The following NAALAD2 variants were observed in gnomAD, a reference collection of about 807,000 sequenced individuals.
NAALAD2 encodes the protein N-acetylated-alpha-linked acidic dipeptidase 2.
NAALAD2 carries 89 observed loss-of-function variants against 95.6 expected under a neutral mutation model. That is an observed-to-expected ratio of 0.93 (90% confidence interval 0.78 to 1.11). The LOEUF (loss-of-function observed/expected upper bound fraction) is 1.11, where lower values mean the gene tolerates loss of function less well. Among genes scored for constraint, NAALAD2 ranks in the 50% least tolerant of loss-of-function variants. The pLI is 0.00. For missense variants in NAALAD2, 894 were observed against 872.4 expected (o/e 1.02, Z -0.31); for synonymous variants, 264 against 294.4 (o/e 0.90, Z 1.06).
chr11:90,182,660 C>G (rs1953007611), intron 17 of NAALAD2, among the ~76,000 whole-genome samples: 1 of 151,826 alleles, frequency 6.6e-6, no homozygotes, highest in Non-Finnish European at 1.5e-5. Context: ...TCTTTGAGTC[C>G]CTTTTGATTG....
intron 12 of NAALAD2, chr11:90,169,769 C>T (rs1202715819): frequency 2.5e-5 from 8 of 318,992 alleles, no homozygotes; most frequent in Non-Finnish European, 1.2e-5. Context: ...ACAGACTTAC[C>T]ACTTCCTTTG....
intron 6 of NAALAD2, among the ~76,000 whole-genome samples, chr11:90,155,399 T>C (rs1565522650): frequency 4.4e-5 from 4 of 91,524 alleles, no homozygotes; most frequent in Non-Finnish European, 7.4e-5. Flanking sequence ...TAATATATAA[T>C]ATATATAATG....
intron 2 of NAALAD2, among the ~76,000 whole-genome samples, chr11:90,141,924 A>G (rs567745904): frequency 1.3e-5 from 2 of 152,192 alleles, no homozygotes; most frequent in East Asian, 1.9e-4. Context: ...CTTTGTGCTG[A>G]CTGGAAACTC....
At chr11:90,134,901 G>A in intron 1 of NAALAD2, 61 bp downstream of exon 1, 1 of 1,579,400 alleles carries the variant, frequency 6.3e-7, no homozygotes, top group Non-Finnish European at 8.7e-7. Flanking sequence ...AGAGATAAAG[G>A]GAGAAATCCT....
intron 11 of NAALAD2, among the ~76,000 whole-genome samples, chr11:90,167,855 C>T (rs965811966): frequency 5.3e-5 from 8 of 150,388 alleles, no homozygotes; most frequent in East Asian, 1.9e-4. Flanking sequence ...ACGGAGCAAT[C>T]GGCTCTCTGT....
chr11:90,155,038 T>TTATATACATATAC (rs1952014456), intron 6 of NAALAD2, among the ~76,000 whole-genome samples: 1 of 122,818 alleles, frequency 8.1e-6, no homozygotes, highest in African/African-American at 3.8e-5. Flanking sequence ...TATGTATATA[T>TTATATACATATAC]GTGTGTATAT....
chr11:90,141,188 A>G (rs1364936512), intron 2 of NAALAD2, among the ~76,000 whole-genome samples: 1 of 152,158 alleles, frequency 6.6e-6, no homozygotes, highest in Non-Finnish European at 1.5e-5. Flanking sequence ...TTATTCTTTT[A>G]AACTATTATT....
Position 90,135,596 on chromosome 11 carries a change from T to G in NAALAD2, c.120T>G (p.Ser40=). The part of the protein sequence containing the change: ...FIKPLKETTT[S]VRYHQSIRWK... ...AGCCTCTCAAAGAAACGACCACTTC[T>G]GTGCGCTATCATCAAAGTATACGGT... The change falls in exon 2 of 19, where the codon TCT becomes TCG. Residue 40 remains serine, a synonymous_variant. Coordinates refer to ENST00000534061, the MANE Select transcript of NAALAD2 (RefSeq NM_005467.4). The G allele has an allele frequency of 6.2e-7, 1 of 1,613,386 alleles. No individual in the cohort carries two copies. The highest frequency in any genetic ancestry group is 8.5e-7 in the Non-Finnish European group (1 of 1,179,644).
At chr11:90,144,178 T>C (rs977661258) in intron 2 of NAALAD2, among the ~76,000 whole-genome samples, 4 of 152,016 alleles carry the variant, frequency 2.6e-5, no homozygotes, top group Admixed American at 2.0e-4. Context: ...AAATACACCA[T>C]ATTAGGAGCC....
intron 11 of NAALAD2, among the ~76,000 whole-genome samples, chr11:90,165,500 T>C (rs1013795584): frequency 2.6e-5 from 4 of 152,194 alleles, no homozygotes; most frequent in African/African-American, 9.7e-5. Context: ...TGAAAATGCT[T>C]TCCTCCTAAC....
chr11:90,167,920 G>C (rs1338626881), intron 11 of NAALAD2, among the ~76,000 whole-genome samples: 6 of 152,250 alleles, frequency 3.9e-5, no homozygotes, highest in Admixed American at 3.9e-4. Flanking sequence ...ATGTGGGTGG[G>C]GTCAGATAAG....
intron 11 of NAALAD2, among the ~76,000 whole-genome samples, chr11:90,167,540 G>A (rs571384071): frequency 2.6e-5 from 4 of 152,340 alleles, no homozygotes; most frequent in Non-Finnish European, 5.9e-5. Flanking sequence ...CACATCGTGG[G>A]ACTGGCAGGC....
chr11:90,156,270 C>T (rs77447333), intron 6 of NAALAD2, among the ~76,000 whole-genome samples: 8,722 of 152,028 alleles, frequency 0.057, 853 homozygotes, highest in African/African-American at 0.2. Flanking sequence ...CTATGCTACC[C>T]AGGCCAGTCT....
intron 16 of NAALAD2, among the ~76,000 whole-genome samples, chr11:90,180,790 C>T (rs931661475): frequency 1.3e-5 from 2 of 151,722 alleles, no homozygotes; most frequent in African/African-American, 4.8e-5. Flanking sequence ...CAACCAACTG[C>T]AAGCCAAAAA....
intron 18 of NAALAD2, 115 bp from the exon 19 acceptor site, chr11:90,191,443 C>A (rs879400513): frequency 7.8e-6 from 5 of 637,190 alleles, no homozygotes; most frequent in Non-Finnish European, 1.2e-5. Flanking sequence ...CAACTGTCTT[C>A]TTATTATAGG....
intron 13 of NAALAD2, among the ~76,000 whole-genome samples, chr11:90,171,715 T>C (rs1413941256): frequency 6.6e-6 from 1 of 152,206 alleles, no homozygotes; most frequent in Non-Finnish European, 1.5e-5. Context: ...ATCCCTAGTG[T>C]GTGTTAGCAC....
intron 14 of NAALAD2, among the ~76,000 whole-genome samples, chr11:90,174,440 T>C (rs2134962176): frequency 6.6e-6 from 1 of 152,292 alleles, no homozygotes; most frequent in Non-Finnish European, 1.5e-5. Flanking sequence ...GTTTTGCAAA[T>C]TTTTAGCCAA....
chr11:90,149,884 A>G (rs1321084489), intron 4 of NAALAD2, among the ~76,000 whole-genome samples: 1 of 152,196 alleles, frequency 6.6e-6, no homozygotes, highest in South Asian at 2.1e-4. Context: ...TAGGATCTTT[A>G]AAATGACATT....
In NAALAD2 at chr11:90,134,706, GCC is replaced by G; in HGVS notation, c.-50_-49del. ...CCAGCGCGCTCTCTGTTTCTCTGCAGCCCCGAAGCTCGCGAATGTAGCAGGCG... is the reference window on the plus strand; with the variant it reads ...CCAGCGCGCTCTCTGTTTCTCTGCAGCCGAAGCTCGCGAATGTAGCAGGCG... On this transcript the variant is annotated 5_prime_UTR_variant, in exon 1 of 19. Coordinates refer to ENST00000534061, the MANE Select transcript of NAALAD2 (RefSeq NM_005467.4). The G allele has an allele frequency of 6.3e-7, 1 of 1,580,014 alleles. No individual in the cohort carries two copies.
Sources: gnomAD v4.1 joint callset for allele counts (sites outside exome capture counted in the v4.1 genomes callset) on GRCh38, gnomAD v4.1.1 for gene constraint, MANE v1.5 for transcripts, NCBI Gene and HGNC (gene_info 2026-07-23, HGNC 2026-07-21) for gene names.